Variants in ANKRD44 observed in about 807,000 individuals in gnomAD.
ANKRD44 encodes serine/threonine-protein phosphatase 6 regulatory ankyrin repeat subunit B.
Under a neutral mutation model 116.0 loss-of-function variants are expected in ANKRD44, and 35 were observed. That is an observed-to-expected ratio of 0.30 (90% CI 0.23 to 0.40). The LOEUF (loss-of-function observed/expected upper bound fraction) is 0.40. Ranked by LOEUF, ANKRD44 falls within the 10% of genes least tolerant of loss-of-function variation. The probability of loss-of-function intolerance (pLI) is 1.00; values close to 1 mark genes in which losing one functional copy is unlikely to be tolerated. For synonymous variants in ANKRD44, 435 were observed against 461.8 expected (o/e 0.94, Z 0.74); for missense variants, 1,014 against 1,242.6 (o/e 0.82, Z 2.77).
At chr2:196,979,178 C>T (rs1002327355) in intron 21 of ANKRD44, among the ~76,000 whole-genome samples, 2 of 151,728 alleles carry the variant, frequency 1.3e-5, no homozygotes, top group African/African-American at 4.8e-5. Flanking sequence ...GGGCGGATCA[C>T]GAGGTCAGGA....
rs2075868251 is a variant in ANKRD44 at position 196,988,758 on chromosome 2, G to A, written c.*833C>T. ...TTCTTTTCTGTCTCTTCCTCAAGTA[G>A]AAAATAGCACTTGAGCTGGTGATTT... On this transcript the variant is annotated 3_prime_UTR_variant, in exon 28 of 28. Transcript: ENST00000282272. 1.0e-5 allele frequency: 10 copies of A among 985,274 alleles called. No individual in the cohort carries two copies. Among genetic ancestry groups the A allele is most frequent in the Non-Finnish European group, 1.2e-5 (10 of 829,926 alleles). 61.0% of individuals were successfully genotyped at this position (985,274 alleles called of 1,614,324 possible).
At chr2:197,216,668 C>T (rs2081451047) in intron 1 of ANKRD44, among the ~76,000 whole-genome samples, 2 of 152,126 alleles carry the variant, frequency 1.3e-5, no homozygotes, top group East Asian at 3.8e-4. Context: ...TTTCTCACTT[C>T]CCCTTCTATA....
At chr2:197,202,974 C>T (rs1229754458) in intron 1 of ANKRD44, among the ~76,000 whole-genome samples, 1 of 152,030 alleles carries the variant, frequency 6.6e-6, no homozygotes, top group Non-Finnish European at 1.5e-5. Context: ...CTAGGTCCCA[C>T]CCCAATAAGC....
intron 16 of ANKRD44, among the ~76,000 whole-genome samples, chr2:197,050,615 G>C (rs1408435284): frequency 6.6e-6 from 1 of 151,904 alleles, no homozygotes; most frequent in African/African-American, 2.4e-5. Flanking sequence ...TGGAGACAGG[G>C]TTTCATCATA....
In ANKRD44 at chr2:196,987,440, T is replaced by C. The variant is rs934609828; in HGVS notation, c.*2151A>G. 2.0e-6 allele frequency: 2 copies of C among 985,266 alleles called. No individual in the cohort carries two copies. The highest frequency in any genetic ancestry group is 2.4e-6 in the Non-Finnish European group (2 of 829,890). The allele number at this position is 985,266 out of a possible 1,614,324, so 61.0% of individuals were successfully genotyped here. A position where few individuals can be genotyped will look rare whatever the true frequency, so the allele number is the denominator to read the frequency against. ...TATAAAAAGGCACTCTAACTTCATATTACAAGACAATAAAACGGATGAGTT... is the reference window on the plus strand; with the variant it reads ...TATAAAAAGGCACTCTAACTTCATACTACAAGACAATAAAACGGATGAGTT... On this transcript the variant is annotated 3_prime_UTR_variant, in exon 28 of 28. Transcript: ENST00000282272.
intron 1 of ANKRD44, among the ~76,000 whole-genome samples, chr2:197,288,146 A>G (rs570563723): frequency 3.3e-5 from 5 of 152,326 alleles, no homozygotes; most frequent in African/African-American, 1.2e-4. Flanking sequence ...TTTAGATATG[A>G]GAAATTAGCT....
At chr2:197,294,008 G>A (rs1445297917) in intron 1 of ANKRD44, among the ~76,000 whole-genome samples, 2 of 152,130 alleles carry the variant, frequency 1.3e-5, no homozygotes, top group Non-Finnish European at 2.9e-5. Flanking sequence ...ACCTCAGACT[G>A]AGCCAGAAAA....
At chr2:197,197,809 CAAAAAA>C (rs199994103) in intron 1 of ANKRD44, among the ~76,000 whole-genome samples, 20 of 114,170 alleles carry the variant, frequency 1.8e-4, no homozygotes, top group African/African-American at 7.1e-4. Flanking sequence ...AATCCTGTCT[CAAAAAA>C]AAAAAAAAAA....
At chr2:197,295,536 A>C (rs2083694314) in intron 1 of ANKRD44, among the ~76,000 whole-genome samples, 1 of 152,240 alleles carries the variant, frequency 6.6e-6, no homozygotes, top group African/African-American at 2.4e-5. Flanking sequence ...CATTTAAAGC[A>C]GGCAGCAGGC....
At chr2:197,019,041 G>A (rs141286558) in intron 17 of ANKRD44, among the ~76,000 whole-genome samples, 69 of 152,250 alleles carry the variant, frequency 4.5e-4, no homozygotes, top group African/African-American at 1.5e-3. Context: ...ATTCCATTTA[G>A]TTGACTTCCA....
intron 1 of ANKRD44, among the ~76,000 whole-genome samples, chr2:197,188,762 C>T (rs1295062393): frequency 6.6e-6 from 1 of 150,748 alleles, no homozygotes; most frequent in East Asian, 1.9e-4. Context: ...CACACACATT[C>T]ACCCAAAATT....
chr2:197,026,614 T>G (rs1233532912), intron 16 of ANKRD44, among the ~76,000 whole-genome samples: 1 of 152,108 alleles, frequency 6.6e-6, no homozygotes, highest in Non-Finnish European at 1.5e-5. Context: ...GGTGGGCATG[T>G]CAAAGAAAGC....
downstream of ANKRD44, among the ~76,000 whole-genome samples, chr2:196,982,108 T>TTTTATATATATA (rs150861089): frequency 3.9e-3 from 373 of 96,544 alleles, 17 homozygotes; most frequent in East Asian, 0.018. Flanking sequence ...CTAAAAAAAA[T>TTTTATATATATA]TATATATATA....
intron 16 of ANKRD44, among the ~76,000 whole-genome samples, chr2:197,025,511 C>T (rs911933598): frequency 5.9e-5 from 9 of 151,860 alleles, no homozygotes; most frequent in South Asian, 2.1e-4. Flanking sequence ...CAGATAATAA[C>T]GAAAAAAATA....
chr2:197,185,543 C>T (rs1160146032), intron 2 of ANKRD44, among the ~76,000 whole-genome samples: 1 of 152,182 alleles, frequency 6.6e-6, no homozygotes, highest in Non-Finnish European at 1.5e-5. Flanking sequence ...AATTGAATTA[C>T]ATTAAGAGAA....
At chr2:197,033,887 AGCAATTT>A (rs2076756251) in intron 16 of ANKRD44, among the ~76,000 whole-genome samples, 1 of 152,158 alleles carries the variant, frequency 6.6e-6, no homozygotes, top group Non-Finnish European at 1.5e-5. Flanking sequence ...TGGAGAGAAA[AGCAATTT>A]GCAAGTCATT....
intron 2 of ANKRD44, among the ~76,000 whole-genome samples, chr2:197,183,060 G>A (rs992304102): frequency 1.7e-4 from 26 of 152,082 alleles, no homozygotes; most frequent in African/African-American, 6.3e-4. Flanking sequence ...TGAGAGAATA[G>A]AATAAATCTC....
At chr2:196,992,533 C>A in intron 27 of ANKRD44, 1 of 152,614 alleles carries the variant, frequency 6.6e-6, no homozygotes. Context: ...TTATTCTATT[C>A]TCTTTGACCA....
chr2:197,098,812 T>C (rs952795582), intron 10 of ANKRD44, among the ~76,000 whole-genome samples: 5 of 152,188 alleles, frequency 3.3e-5, no homozygotes, highest in Non-Finnish European at 7.4e-5. Flanking sequence ...CTAGTATTAC[T>C]ACAATATTTC....
Sources: allele counts gnomAD v4.1 joint callset (sites outside exome capture counted in the v4.1 genomes callset), GRCh38; gene constraint gnomAD v4.1.1; transcripts MANE v1.5; gene names NCBI Gene and HGNC (gene_info 2026-07-23, HGNC 2026-07-21).